The following PRRC2B variants were observed in gnomAD, a reference collection of about 807,000 sequenced individuals.
PRRC2B encodes the protein proline rich coiled-coil 2B.
Under a neutral mutation model 242.3 loss-of-function variants are expected in PRRC2B, and 68 were observed. The observed-to-expected ratio is 0.28, with a 90% CI of 0.23 to 0.34. The LOEUF is 0.34. Among genes scored for constraint, PRRC2B ranks in the 10% least tolerant of loss-of-function variants. PRRC2B has a pLI of 1.00. For missense variants in PRRC2B, 2,835 were observed against 2,954.8 expected, an observed-to-expected ratio of 0.96 and a Z score of 0.94; for synonymous variants, 1,228 against 1,173.6, an observed-to-expected ratio of 1.05 and a Z score of -0.95.
intron 1 of PRRC2B, among the ~76,000 whole-genome samples, chr9:131,413,272 A>T (rs1837552159): frequency 6.6e-6 from 1 of 152,128 alleles, no homozygotes. Context: ...TCTTTTAAAA[A>T]GTTCTAAGTT....
chr9:131,410,550 C>T (rs1837482010), intron 1 of PRRC2B, among the ~76,000 whole-genome samples: 1 of 152,194 alleles, frequency 6.6e-6, no homozygotes, highest in South Asian at 2.1e-4. Flanking sequence ...GTCACATCAC[C>T]CCGGGTTCAG....
At chr9:131,421,276 G>A (rs1007664692) in intron 1 of PRRC2B, among the ~76,000 whole-genome samples, 3 of 152,194 alleles carry the variant, frequency 2.0e-5, no homozygotes, top group Middle Eastern at 3.2e-3. Context: ...GTCAGTAAAC[G>A]TTTGAGTATT....
intron 14 of PRRC2B, among the ~76,000 whole-genome samples, chr9:131,471,669 T>TA (rs1167563719): frequency 6.6e-6 from 1 of 152,232 alleles, no homozygotes; most frequent in Non-Finnish European, 1.5e-5. Context: ...CATAAAACGT[T>TA]ACTTGTAAAA....
At position 131,483,447 on chromosome 9, in the gene PRRC2B, T is replaced by G. The variant is rs752662188; in HGVS notation, c.5460+2T>G. ...CTTCAGGATGCCTTGGCCAGTAATG[T>G]AAGTCCACACTTCCACTTTTGGCTC... On this transcript the variant is annotated splice_donor_variant, in intron 23 of 31. Coordinates refer to ENST00000683519, the MANE Select transcript of PRRC2B (RefSeq NM_013318.4). LOFTEE classifies it high-confidence loss of function. 1.2e-6 allele frequency: 2 copies of G among 1,613,444 alleles called. No homozygotes were observed.
chr9:131,456,815 A>G (rs527600590), intron 10 of PRRC2B, among the ~76,000 whole-genome samples: 19 of 152,308 alleles, frequency 1.2e-4, no homozygotes, highest in African/African-American at 3.8e-4. Context: ...CAAAAAATTA[A>G]TAATAACAAT....
At chr9:131,396,955 G>A (rs1837078516) in intron 1 of PRRC2B, among the ~76,000 whole-genome samples, 1 of 152,130 alleles carries the variant, frequency 6.6e-6, no homozygotes, top group African/African-American at 2.4e-5. Context: ...TTTTATTGGG[G>A]AATTTGTTTT....
intron 1 of PRRC2B, among the ~76,000 whole-genome samples, chr9:131,415,003 G>GT (rs1245987652): frequency 6.6e-6 from 1 of 151,912 alleles, no homozygotes; most frequent in African/African-American, 2.4e-5. Context: ...TTTTTTGTTT[G>GT]TTTTTTTGAG....
At chr9:131,478,335 G>A in intron 17 of PRRC2B, 139 bp from the exon 18 acceptor site, 1 of 809,586 alleles carries the variant, frequency 1.2e-6, no homozygotes, top group Non-Finnish European at 2.1e-6. Flanking sequence ...TTAGATCAGA[G>A]GCGGCCTGAG....
chr9:131,423,556 GGA>G (rs1220158531), intron 1 of PRRC2B, among the ~76,000 whole-genome samples: 1 of 152,198 alleles, frequency 6.6e-6, no homozygotes, highest in African/African-American at 2.4e-5. Context: ...TGCAACGGGA[GGA>G]AATCCGAATG....
chr9:131,472,060 A>G (rs1344013135), intron 14 of PRRC2B, among the ~76,000 whole-genome samples: 1 of 152,128 alleles, frequency 6.6e-6, no homozygotes, highest in African/African-American at 2.4e-5. Context: ...CTTATGTAGT[A>G]CCTTTGTTGT....
At chr9:131,408,630 A>G (rs750831220) in intron 1 of PRRC2B, among the ~76,000 whole-genome samples, 1 of 152,220 alleles carries the variant, frequency 6.6e-6, no homozygotes, top group Non-Finnish European at 1.5e-5. Context: ...GACTGCTAAT[A>G]TGAATGTGTA....
At chr9:131,442,122 T>C (rs1352069911) in intron 5 of PRRC2B, among the ~76,000 whole-genome samples, 1 of 151,752 alleles carries the variant, frequency 6.6e-6, no homozygotes, top group Non-Finnish European at 1.5e-5. Flanking sequence ...AAATCTACCT[T>C]TTTTTTTGTT....
At chr9:131,493,715 G>A (rs898067291) in intron 30 of PRRC2B, among the ~76,000 whole-genome samples, 1 of 152,314 alleles carries the variant, frequency 6.6e-6, no homozygotes, top group Admixed American at 6.5e-5. Context: ...TGAGATGTGC[G>A]CTGCAAAAAC....
At chr9:131,433,170 G>A (rs1418352442) in intron 3 of PRRC2B, among the ~76,000 whole-genome samples, 1 of 152,208 alleles carries the variant, frequency 6.6e-6, no homozygotes, top group African/African-American at 2.4e-5. Flanking sequence ...GGGGCTTGAG[G>A]ACTTCATTCC....
Position 131,494,579 on chromosome 9 carries a change from C to T in PRRC2B, c.6555+93C>T, listed in dbSNP as rs1020684487. On this transcript the variant is annotated intron_variant, in intron 31 of 31. Transcript: ENST00000683519. The surrounding 1 kb of genome is among the most constrained non-coding windows in gnomAD (Gnocchi z 4.3). ...AGGGACTGTCCAACCTATCTGAGCG[C>T]CCCCTGTCTAAAGACAGCCATGCCC... 64 of 692,478 alleles carry T rather than the reference C, an allele frequency of 9.2e-5. No homozygotes were observed. Among genetic ancestry groups the T allele is most frequent in the Non-Finnish European group, 2.7e-5 (11 of 407,568 alleles). The allele number at this position is 692,478 out of a possible 1,614,324, so 42.9% of individuals were successfully genotyped here.
intron 1 of PRRC2B, among the ~76,000 whole-genome samples, chr9:131,401,456 A>G (rs186575637): frequency 4.7e-5 from 7 of 148,996 alleles, no homozygotes; most frequent in Non-Finnish European, 8.9e-5. Flanking sequence ...ATCTTGGCTC[A>G]CTGCAACCTC....
intron 2 of PRRC2B, 143 bp from the exon 3 acceptor site, chr9:131,432,474 C>T (rs903357373): frequency 8.6e-6 from 6 of 699,624 alleles, no homozygotes; most frequent in Non-Finnish European, 1.4e-5. Flanking sequence ...CTTGTTTGTC[C>T]CACTGCTGGT....
At chr9:131,485,422 T>C (rs949625977) in intron 25 of PRRC2B, among the ~76,000 whole-genome samples, 1 of 152,198 alleles carries the variant, frequency 6.6e-6, no homozygotes, top group African/African-American at 2.4e-5. Context: ...ACCTGGGTCA[T>C]GTGCTGGAGC....
intron 12 of PRRC2B, among the ~76,000 whole-genome samples, chr9:131,465,524 T>C (rs1205900985): frequency 6.6e-6 from 1 of 152,252 alleles, no homozygotes; most frequent in South Asian, 2.1e-4. Context: ...CACGCTCCAG[T>C]TTCTGGGACA....
Sources: gnomAD v4.1 joint callset for allele counts (sites outside exome capture counted in the v4.1 genomes callset) on GRCh38, gnomAD v4.1.1 for gene constraint, Gnocchi (gnomAD v3.1) non-coding constraint, MANE v1.5 for transcripts, NCBI Gene and HGNC (gene_info 2026-07-23, HGNC 2026-07-21) for gene names.